ZMAT4: variants seen among roughly 807,000 people sequenced by gnomAD.
ZMAT4 encodes zinc finger matrin-type 4.
In ZMAT4, 17 loss-of-function variants were observed where a neutral mutation model predicts 28.7. That is an observed-to-expected ratio of 0.59 (90% CI 0.41 to 0.89). The LOEUF is 0.89. Among genes scored for constraint, ZMAT4 ranks in the 40% least tolerant of loss-of-function variants. ZMAT4 has a pLI of 0.00. For missense variants in ZMAT4, 240 were observed against 283.8 expected, an observed-to-expected ratio of 0.85 and a Z score of 1.11; for synonymous variants, 117 against 109.2, an observed-to-expected ratio of 1.07 and a Z score of -0.44.
chr8:40,740,350 T>C (rs755119580), intron 3 of ZMAT4, among the ~76,000 whole-genome samples: 30 of 152,240 alleles, frequency 2.0e-4, no homozygotes. Context: ...CATGAGATGG[T>C]ATCTCATTGT....
rs1466403580 is a variant in ZMAT4 at position 40,758,651 on chromosome 8, TAGAA to T, written c.192+8986_192+8989del. On this transcript the variant is annotated intron_variant, in intron 3 of 6. Transcript: ENST00000297737. Reference sequence around the variant, plus strand: ...TACTTATTATGAAAAAAATACTAAATAGAAAGAAGAAGAAAAGCTGAATACCTGG... The same window carrying T: ...TACTTATTATGAAAAAAATACTAAATAGAAGAAGAAAAGCTGAATACCTGG... Among the ~76,000 whole-genome samples the T allele has an allele frequency of 5.9e-5, 9 of 152,102 alleles. No homozygotes were observed. In the South Asian group the frequency reaches 1.2e-3, roughly 21 times the overall value.
At chr8:40,552,033 A>G (rs1025009879) in intron 6 of ZMAT4, among the ~76,000 whole-genome samples, 8 of 152,212 alleles carry the variant, frequency 5.3e-5, no homozygotes, top group African/African-American at 1.9e-4. Context: ...ATGCCGGCTG[A>G]ATCAGCAGCC....
rs531254910 is a variant in ZMAT4 at position 40,835,847 on chromosome 8, C to T, written c.-4-10167G>A. ...ACATTCTAGTTCCCTTCTCCTCTAC[C>T]GCATATTAACTTGACTGGGCTTCTC... On this transcript the variant is annotated intron_variant, in intron 1 of 6. Transcript: ENST00000297737. Among the ~76,000 whole-genome samples, 10 of 152,316 alleles carry T rather than the reference C, an allele frequency of 6.6e-5. No homozygotes were observed. In the South Asian group the frequency reaches 1.5e-3, roughly 22 times the overall value.
intron 3 of ZMAT4, among the ~76,000 whole-genome samples, chr8:40,743,012 G>A (rs7831620): frequency 0.12 from 18,792 of 151,718 alleles, 1,657 homozygotes; most frequent in East Asian, 0.38. Context: ...AGGAGTTCAA[G>A]ACCAGCCTGG....
intron 1 of ZMAT4, among the ~76,000 whole-genome samples, chr8:40,895,357 A>G (rs998434207): frequency 1.3e-5 from 2 of 152,208 alleles, no homozygotes; most frequent in African/African-American, 4.8e-5. Context: ...AACACCAGCA[A>G]TTAGATTCTC....
chr8:40,708,807 G>A (rs1010858173), intron 3 of ZMAT4, among the ~76,000 whole-genome samples: 6 of 151,402 alleles, frequency 4.0e-5, no homozygotes, highest in African/African-American at 7.3e-5. Context: ...GCACCACCGC[G>A]ACAGCTAATT....
At chr8:40,580,248 C>G (rs751598290) in intron 6 of ZMAT4, among the ~76,000 whole-genome samples, 6 of 152,040 alleles carry the variant, frequency 3.9e-5, no homozygotes, top group Admixed American at 1.3e-4. Flanking sequence ...TGCTGACCTC[C>G]TGATCCGCCC....
At chr8:40,827,951 T>G (rs1007459604) in intron 1 of ZMAT4, among the ~76,000 whole-genome samples, 14 of 152,200 alleles carry the variant, frequency 9.2e-5, no homozygotes, top group Non-Finnish European at 1.6e-4. Context: ...TCATGAGATA[T>G]CCTCCCTTGA....
rs1809937475 is a variant in ZMAT4 at position 40,697,396 on chromosome 8, A to G, written c.198T>C (p.Ser66=). ...TGTTCTTATCCACCATGTCGGCATC[A>G]CTTCCCTGCGCAGGGAGAAAGAAAG... ...PAKRLRSENG[S]DADMVDKNKC... Residue 66 remains serine, a synonymous_variant, in exon 4 of 7, where the codon AGT becomes AGC. Coordinates refer to ENST00000297737, the MANE Select transcript of ZMAT4 (RefSeq NM_024645.3). 1 of 1,588,008 alleles carries G rather than the reference A, an allele frequency of 6.3e-7. No homozygotes were observed. The highest frequency in any genetic ancestry group is 1.7e-5 in the Admixed American group (1 of 57,204).
intron 6 of ZMAT4, among the ~76,000 whole-genome samples, chr8:40,554,128 A>T (rs1457054121): frequency 6.6e-6 from 1 of 152,136 alleles, no homozygotes; most frequent in Non-Finnish European, 1.5e-5. Flanking sequence ...TAGTTTTTGT[A>T]GTTATAAGCT....
At chr8:40,851,397 G>A (rs1354080879) in intron 1 of ZMAT4, among the ~76,000 whole-genome samples, 2 of 152,112 alleles carry the variant, frequency 1.3e-5, no homozygotes, top group Non-Finnish European at 2.9e-5. Flanking sequence ...ATCCTAGGTT[G>A]AATCCTGGAA....
At chr8:40,754,673 G>T (rs1240105481) in intron 3 of ZMAT4, among the ~76,000 whole-genome samples, 1 of 152,080 alleles carries the variant, frequency 6.6e-6, no homozygotes, top group Non-Finnish European at 1.5e-5. Context: ...GGCTGTCCTA[G>T]AAGACTCAGG....
chr8:40,665,860 G>T (rs1210306089), intron 5 of ZMAT4, among the ~76,000 whole-genome samples: 1 of 152,242 alleles, frequency 6.6e-6, no homozygotes, highest in African/African-American at 2.4e-5. Context: ...TCTGTAAAAA[G>T]AAGGGATATA....
intron 5 of ZMAT4, among the ~76,000 whole-genome samples, chr8:40,666,727 T>C (rs1219172047): frequency 6.6e-6 from 1 of 152,108 alleles, no homozygotes; most frequent in Non-Finnish European, 1.5e-5. Flanking sequence ...ATACTAGGGT[T>C]AAACAACACA....
intron 4 of ZMAT4, among the ~76,000 whole-genome samples, chr8:40,677,355 T>C (rs896562822): frequency 6.6e-6 from 1 of 152,032 alleles, no homozygotes; most frequent in Non-Finnish European, 1.5e-5. Context: ...CCAGCTTATA[T>C]TCCTTTAGTG....
intron 6 of ZMAT4, among the ~76,000 whole-genome samples, chr8:40,538,784 CT>C (rs904501683): frequency 6.6e-6 from 1 of 150,960 alleles, no homozygotes. Context: ...TTTTCTTTCT[CT>C]TTTTTTTTGT....
At chr8:40,881,496 A>AAAGG (rs1818242004) in intron 1 of ZMAT4, among the ~76,000 whole-genome samples, 1 of 144,920 alleles carries the variant, frequency 6.9e-6, no homozygotes, top group South Asian at 2.3e-4. Flanking sequence ...AGAAAGAAAG[A>AAAGG]AAGAGGAAGG....
intron 2 of ZMAT4, among the ~76,000 whole-genome samples, chr8:40,814,450 T>C (rs1419029503): frequency 6.6e-6 from 1 of 152,164 alleles, no homozygotes. Context: ...AACCAATCAT[T>C]ACAGGTCGAG....
chr8:40,539,748 T>C (rs541062271), intron 6 of ZMAT4, among the ~76,000 whole-genome samples: 24 of 152,348 alleles, frequency 1.6e-4, no homozygotes, highest in African/African-American at 5.0e-4. Context: ...GTAGCTCTTG[T>C]ACAATAGAGT....
Sources: gnomAD v4.1 joint callset for allele counts (sites outside exome capture counted in the v4.1 genomes callset) on GRCh38, gnomAD v4.1.1 for gene constraint, MANE v1.5 for transcripts, NCBI Gene and HGNC (gene_info 2026-07-23, HGNC 2026-07-21) for gene names.